Variants in ARHGEF10L observed in about 807,000 individuals in gnomAD.
The protein encoded by ARHGEF10L is rho guanine nucleotide exchange factor 10-like protein.
Under a neutral mutation model 141.2 loss-of-function variants are expected in ARHGEF10L, and 69 were observed. That is an observed-to-expected ratio of 0.49 (90% CI 0.40 to 0.60). The LOEUF (loss-of-function observed/expected upper bound fraction) is 0.60. Ranked by LOEUF, ARHGEF10L falls within the 20% of genes least tolerant of loss-of-function variation. The probability of loss-of-function intolerance (pLI) is 0.00; values close to 1 mark genes in which losing one functional copy is unlikely to be tolerated. For missense variants in ARHGEF10L, 1,482 were observed against 1,734.3 expected (o/e 0.85, Z 2.58); for synonymous variants, 711 against 718.5 (o/e 0.99, Z 0.17).
rs192895606 is a variant in ARHGEF10L at position 17,644,669 on chromosome 1, G to A, written c.2273-3885G>A. Among the ~76,000 whole-genome samples, 33 of 152,248 alleles carry A rather than the reference G, an allele frequency of 2.2e-4. No individual in the cohort carries two copies. The East Asian group carries it at 6.4e-3, about 29-fold the overall frequency. On this transcript the variant is annotated intron_variant, in intron 21 of 28. Coordinates refer to ENST00000361221, the MANE Select transcript of ARHGEF10L (RefSeq NM_018125.4). This position sits in a 1 kb window ranked among gnomAD's most constrained non-coding sequence, Gnocchi z 4.5. Reference sequence around the variant, plus strand: ...AGGTGGCTTTAAGTTTGGGAAGTTCGGGAAGAGCAGTAAAGGCACGATACT... The same window carrying A: ...AGGTGGCTTTAAGTTTGGGAAGTTCAGGAAGAGCAGTAAAGGCACGATACT...
intron 22 of ARHGEF10L, among the ~76,000 whole-genome samples, chr1:17,649,036 T>C (rs1416734978): frequency 3.9e-5 from 6 of 152,234 alleles, no homozygotes; most frequent in African/African-American, 1.4e-4. Context: ...GGAGCCGGCT[T>C]TGGCGCAGGG....
chr1:17,680,716 G>C (rs2064059946), intron 26 of ARHGEF10L, among the ~76,000 whole-genome samples: 1 of 151,522 alleles, frequency 6.6e-6, no homozygotes, highest in African/African-American at 2.4e-5. Context: ...GAGGAGGCGG[G>C]CACAACCCCT....
intron 21 of ARHGEF10L, among the ~76,000 whole-genome samples, chr1:17,645,849 T>A (rs2061568355): frequency 6.6e-6 from 1 of 152,210 alleles, no homozygotes; most frequent in South Asian, 2.1e-4. Context: ...TCTCCCGTGA[T>A]GGCTGTGAGG....
Position 17,607,949 on chromosome 1 carries a change from C to T in ARHGEF10L, c.581C>T (p.Ala194Val), listed in dbSNP as rs751314206. 6 of 1,495,670 alleles carry T rather than the reference C, an allele frequency of 4.0e-6. No individual in the cohort carries two copies. In the South Asian group the frequency reaches 6.6e-5, roughly 16 times the overall value. 92.6% of individuals were successfully genotyped at this position (1,495,670 alleles called of 1,614,324 possible). A position where few individuals can be genotyped will look rare whatever the true frequency, so the allele number is the denominator to read the frequency against. Residue 194 changes from alanine (A) to valine (V), a missense_variant, in exon 7 of 29, where the codon GCC becomes GTC. By Grantham distance (64) the Ala-to-Val change is moderately conservative. Coordinates refer to ENST00000361221, the MANE Select transcript of ARHGEF10L (RefSeq NM_018125.4). The surrounding 1 kb of genome is among the most constrained non-coding windows in gnomAD (Gnocchi z 4.5). ...AAGCCGGAGGTCGAGGTCGAGCCCG[C>T]CAAGCACCGAGTGTCCTTCCAGCCC... Reference protein sequence around the residue: ...EAKPEVEVEPAKHRVSFQPKL... With the variant: ...EAKPEVEVEPVKHRVSFQPKL...
intron 4 of ARHGEF10L, among the ~76,000 whole-genome samples, chr1:17,590,183 T>G (rs530058457): frequency 6.6e-6 from 1 of 152,266 alleles, no homozygotes; most frequent in African/African-American, 2.4e-5. Flanking sequence ...GCCACCGTGC[T>G]TCTCTGCCTC....
chr1:17,587,926 A>G (rs2079162368), intron 3 of ARHGEF10L, among the ~76,000 whole-genome samples: 4 of 152,226 alleles, frequency 2.6e-5, no homozygotes, highest in South Asian at 2.1e-4. Flanking sequence ...TGTGTCTCTG[A>G]AGTCCTCCCT....
intron 22 of ARHGEF10L, among the ~76,000 whole-genome samples, chr1:17,651,697 T>C (rs2061947332): frequency 6.6e-6 from 1 of 152,130 alleles, no homozygotes; most frequent in Admixed American, 6.5e-5. Context: ...CCCAGGAATA[T>C]GTAGGCCAGA....
chr1:17,601,608 G>A (rs1199827652), intron 4 of ARHGEF10L, among the ~76,000 whole-genome samples: 1 of 152,104 alleles, frequency 6.6e-6, no homozygotes, highest in African/African-American at 2.4e-5. Flanking sequence ...ACCACGCCTG[G>A]CTAATTTTTG....
intron 2 of ARHGEF10L, among the ~76,000 whole-genome samples, chr1:17,582,195 C>T (rs568649392): frequency 2.7e-4 from 41 of 152,296 alleles, no homozygotes; most frequent in African/African-American, 9.9e-4. Context: ...CAATTCATGA[C>T]TGGGATTTGG....
At chr1:17,668,424 C>T (rs1267199157) in intron 26 of ARHGEF10L, among the ~76,000 whole-genome samples, 1 of 152,222 alleles carries the variant, frequency 6.6e-6, no homozygotes, top group East Asian at 1.9e-4. Flanking sequence ...TTGCCCCTTG[C>T]CAGCCGTAGT....
At chr1:17,531,026 TA>T in the ARHGEF10L span, among the ~76,000 whole-genome samples, 14 of 150,216 alleles carry the variant, frequency 9.3e-5, no homozygotes, top group Non-Finnish European at 1.2e-4. Context: ...AAAATAAAAA[TA>T]AAAAAAAGAA....
chr1:17,690,102 C>T (rs1190334286), intron 27 of ARHGEF10L, among the ~76,000 whole-genome samples: 2 of 152,212 alleles, frequency 1.3e-5, no homozygotes, highest in African/African-American at 4.8e-5. Context: ...TGGACAGAGC[C>T]AGGAGCAGCC....
chr1:17,569,718 C>T (rs761815083), intron 1 of ARHGEF10L, among the ~76,000 whole-genome samples: 21 of 152,178 alleles, frequency 1.4e-4, no homozygotes, highest in Non-Finnish European at 2.2e-4. Context: ...ACTGAATAGA[C>T]GCCAGGGTCT....
At chr1:17,689,731 C>G (rs907329689) in intron 27 of ARHGEF10L, 4 of 454,302 alleles carry the variant, frequency 8.8e-6, no homozygotes, top group South Asian at 3.1e-5. Context: ...CACATTTCCT[C>G]TGATAGCTAA....
chr1:17,661,000 A>G (rs2062589200), intron 25 of ARHGEF10L, among the ~76,000 whole-genome samples: 1 of 152,144 alleles, frequency 6.6e-6, no homozygotes, highest in African/African-American at 2.4e-5. Context: ...CATGGTGCAG[A>G]TAGGAAAACT....
rs1224850754 is a variant in ARHGEF10L at position 17,673,152 on chromosome 1, G to A, written c.3009+8557G>A. ...AAAAGGGAACCGGTACAGGGAAGGC[G>A]GATGAACAGACATCGTGGAGAGGAC... On this transcript the variant is annotated intron_variant, in intron 26 of 28. Transcript: ENST00000361221. This position sits in a 1 kb window ranked among gnomAD's most constrained non-coding sequence, Gnocchi z 4.1. 6.6e-6 allele frequency among the ~76,000 whole-genome samples: 1 copy of A among 152,214 alleles called. No homozygotes were observed. Among genetic ancestry groups the A allele is most frequent in the African/African-American group, 2.4e-5 (1 of 41,444 alleles).
intron 1 of ARHGEF10L, among the ~76,000 whole-genome samples, chr1:17,542,138 C>CAAAGAA (rs1335317015): frequency 6.8e-6 from 1 of 147,858 alleles, no homozygotes; most frequent in African/African-American, 2.5e-5. Context: ...GATTCTATCT[C>CAAAGAA]AAAAGAAAAA....
chr1:17,676,588 C>T (rs756188616), intron 26 of ARHGEF10L, among the ~76,000 whole-genome samples: 16 of 151,978 alleles, frequency 1.1e-4, no homozygotes, highest in East Asian at 1.9e-4. Flanking sequence ...TGCCTGGGGA[C>T]GCTTTCTGGG....
chr1:17,604,051 C>T (rs369559022), intron 6 of ARHGEF10L, among the ~76,000 whole-genome samples: 5 of 152,016 alleles, frequency 3.3e-5, no homozygotes, highest in South Asian at 2.1e-4. Context: ...GGGCCTGGGG[C>T]GAGTCTTGCT....
Sources: allele counts gnomAD v4.1 joint callset (sites outside exome capture counted in the v4.1 genomes callset), GRCh38; gene constraint gnomAD v4.1.1; non-coding constraint Gnocchi (gnomAD v3.1); transcripts MANE v1.5; gene names NCBI Gene and HGNC (gene_info 2026-07-23, HGNC 2026-07-21).